Variants in RASGRF1 observed in about 807,000 individuals in gnomAD.
RASGRF1 encodes ras-specific guanine nucleotide-releasing factor 1.
Under a neutral mutation model 138.7 loss-of-function variants are expected in RASGRF1, and 40 were observed. The ratio of observed to expected loss-of-function variants is 0.29; its 90% CI spans 0.22 to 0.38. The LOEUF is 0.38. RASGRF1 is among the 10% of genes least tolerant of loss of function. The pLI is 1.00. For synonymous variants in RASGRF1, 614 were observed against 663.2 expected, an observed-to-expected ratio of 0.93 and a Z score of 1.14; for missense variants, 1,108 against 1,650.4, an observed-to-expected ratio of 0.67 and a Z score of 5.69.
At chr15:78,995,972 C>T (rs778960600) in intron 19 of RASGRF1, among the ~76,000 whole-genome samples, 172 bp from the exon 20 acceptor site, 27 of 152,220 alleles carry the variant, frequency 1.8e-4, no homozygotes, top group Non-Finnish European at 3.5e-4. Context: ...ATGGTCCTGG[C>T]GCTCCTGGCT....
Position 79,006,155 on chromosome 15 carries a change from G to A in RASGRF1, c.2075+31C>T, listed in dbSNP as rs374150186. 3.7e-6 allele frequency: 6 copies of A among 1,613,000 alleles called. No homozygotes were observed. Among genetic ancestry groups the A allele is most frequent in the Non-Finnish European group, 1.7e-6 (2 of 1,179,236 alleles). Reference sequence around the variant, plus strand: ...TTCCTCCAAGGCTTGGAAGCTCTCCGGGCATGGGAGGAGGAGGGCACCTCA... The same window carrying A: ...TTCCTCCAAGGCTTGGAAGCTCTCCAGGCATGGGAGGAGGAGGGCACCTCA... On this transcript the variant is annotated intron_variant, in intron 14 of 26. Transcript: ENST00000558480. This position sits in a 1 kb window ranked among gnomAD's most constrained non-coding sequence, Gnocchi z 4.0.
chr15:79,089,483 TGCG>T (rs368258177), intron 1 of RASGRF1, among the ~76,000 whole-genome samples: 3 of 152,108 alleles, frequency 2.0e-5, no homozygotes, highest in African/African-American at 4.8e-5. Flanking sequence ...TAGCCGCGAC[TGCG>T]GCGGCGGCGG....
intron 3 of RASGRF1, among the ~76,000 whole-genome samples, chr15:79,057,515 G>A (rs544661411): frequency 2.0e-4 from 30 of 152,344 alleles, no homozygotes; most frequent in African/African-American, 6.3e-4. Context: ...CAAAATCTGT[G>A]GTCCTTGTAT....
intron 13 of RASGRF1, among the ~76,000 whole-genome samples, chr15:79,010,028 G>GTTTTTT (rs1378014746): frequency 7.0e-5 from 10 of 143,322 alleles, no homozygotes; most frequent in Non-Finnish European, 1.4e-4. Context: ...CAGCCTCTTT[G>GTTTTTT]TTTGTTTTTT....
At chr15:79,064,151 A>G (rs2057644737) in intron 2 of RASGRF1, among the ~76,000 whole-genome samples, 1 of 152,146 alleles carries the variant, frequency 6.6e-6, no homozygotes, top group Non-Finnish European at 1.5e-5. Context: ...AAACCAAATC[A>G]TACTTGGTTC....
chr15:79,015,311 G>T lies in RASGRF1; in HGVS notation c.1826+16C>A, dbSNP rs750789936. ...CTGGAATGCTGCCTGGTCAAGATGG[G>T]GTTAAGGGCACTTACTTGATCATCT... On this transcript the variant is annotated intron_variant, in intron 13 of 26. Coordinates refer to ENST00000558480, the MANE Select transcript of RASGRF1 (RefSeq NM_001145648.3). The T allele has an allele frequency of 1.9e-6, 3 of 1,604,948 alleles. No individual in the cohort carries two copies. The Admixed American group carries it at 5.0e-5, about 27-fold the overall frequency.
intron 5 of RASGRF1, among the ~76,000 whole-genome samples, chr15:79,045,520 C>G (rs2057344929): frequency 6.6e-6 from 1 of 152,202 alleles, no homozygotes; most frequent in East Asian, 1.9e-4. Context: ...GTGATTTGGT[C>G]TCGAAAGGTC....
intron 1 of RASGRF1, among the ~76,000 whole-genome samples, chr15:79,081,538 G>A (rs1479572598): frequency 6.6e-6 from 1 of 152,198 alleles, no homozygotes; most frequent in Admixed American, 6.5e-5. Context: ...ATAGCACACA[G>A]GCTTTTAGGG....
intron 13 of RASGRF1, chr15:79,012,655 T>G (rs2056818516): frequency 1.4e-6 from 2 of 1,379,890 alleles, no homozygotes; most frequent in Admixed American, 4.4e-5. Context: ...CTTTCATAGG[T>G]GATTTTAATT....
In RASGRF1 at chr15:79,058,404, TTC is replaced by T; in HGVS notation, c.459_460del (p.Lys154AspfsTer32). 1 of 1,614,200 alleles carries T rather than the reference TTC, an allele frequency of 6.2e-7. No individual in the cohort carries two copies. The highest frequency in any genetic ancestry group is 1.7e-5 in the Admixed American group (1 of 60,014). Reference sequence around the variant, plus strand: ...CTGCCGAAGCTGCTTGGCCACGGTCTTCTCTGTCTCCACGATCTGCAGCAGGT... The same window carrying T: ...CTGCCGAAGCTGCTTGGCCACGGTCTTCTGTCTCCACGATCTGCAGCAGGT... On this transcript the variant is annotated frameshift_variant, in exon 3 of 27. Coordinates refer to ENST00000558480, the MANE Select transcript of RASGRF1 (RefSeq NM_001145648.3). LOFTEE classifies it high-confidence loss of function.
In RASGRF1 at chr15:79,003,945, A is replaced by G. The variant is rs1156378808; in HGVS notation, c.2306T>C (p.Met769Thr). 4 of 1,614,036 alleles carry G rather than the reference A, an allele frequency of 2.5e-6. No individual in the cohort carries two copies. Among genetic ancestry groups the G allele is most frequent in the Non-Finnish European group, 3.4e-6 (4 of 1,180,022 alleles). ...GCTGAAGGGTGACATGGCCGAGTACATGCTGGTGTAGCCATTGGAGTTGCA... is the reference window on the plus strand; with the variant it reads ...GCTGAAGGGTGACATGGCCGAGTACGTGCTGGTGTAGCCATTGGAGTTGCA... ...LSCNSNGYTSMYSAMSPFSKA... is the reference protein window; with the variant it reads ...LSCNSNGYTSTYSAMSPFSKA... The change falls in exon 15 of 27, where the codon ATG becomes ACG. Residue 769 changes from methionine to threonine, a missense_variant. Met to Thr is a moderately conservative substitution (Grantham distance 81, BLOSUM62 -1). This residue lies in a region of RASGRF1 where 686 missense variants were observed against 976.7 expected (regional missense o/e 0.70). Transcript: ENST00000558480.
chr15:78,965,510 G>T (rs1244714084), intron 26 of RASGRF1, among the ~76,000 whole-genome samples: 1 of 152,176 alleles, frequency 6.6e-6, no homozygotes, highest in Non-Finnish European at 1.5e-5. Flanking sequence ...TACAAAGGTT[G>T]TCATATTTAA....
chr15:78,991,648 C>T, intron 21 of RASGRF1, 43 bp downstream of exon 21: 1 of 1,505,216 alleles, frequency 6.6e-7, no homozygotes, highest in East Asian at 2.3e-5. Flanking sequence ...CAAGACAGTG[C>T]CTGAGGAAGC....
chr15:79,047,982 G>A (rs1056844883), intron 4 of RASGRF1, among the ~76,000 whole-genome samples: 2 of 149,564 alleles, frequency 1.3e-5, no homozygotes, highest in South Asian at 2.1e-4. Flanking sequence ...AGCTATCTCT[G>A]AAGATAGGAA....
intron 24 of RASGRF1, among the ~76,000 whole-genome samples, chr15:78,977,394 G>A (rs918712586): frequency 2.0e-4 from 31 of 152,152 alleles, no homozygotes; most frequent in Admixed American, 8.5e-4. Context: ...GTTCTGGCAC[G>A]AGGTACAGGG....
intron 1 of RASGRF1, among the ~76,000 whole-genome samples, chr15:79,083,148 T>C (rs553697573): frequency 1.3e-5 from 2 of 152,252 alleles, no homozygotes; most frequent in Non-Finnish European, 2.9e-5. Flanking sequence ...TGCCTCACTA[T>C]CAGGGACAAA....
chr15:79,056,154 C>T (rs2057508364), intron 3 of RASGRF1, among the ~76,000 whole-genome samples: 1 of 152,172 alleles, frequency 6.6e-6, no homozygotes, highest in African/African-American at 2.4e-5. Context: ...AACAGAAGCA[C>T]CAGCATGTGC....
intron 5 of RASGRF1, among the ~76,000 whole-genome samples, chr15:79,044,062 T>C (rs1172674585): frequency 6.6e-6 from 1 of 152,226 alleles, no homozygotes; most frequent in African/African-American, 2.4e-5. Flanking sequence ...CAGTCATGCC[T>C]GCTCAGGCCC....
chr15:79,049,205 C>G (rs2057395843), intron 4 of RASGRF1, among the ~76,000 whole-genome samples: 1 of 152,044 alleles, frequency 6.6e-6, no homozygotes, highest in African/African-American at 2.4e-5. Context: ...GCTGAGAGTC[C>G]CAGGCCTGGG....
Sources: gnomAD v4.1 joint callset for allele counts (sites outside exome capture counted in the v4.1 genomes callset) on GRCh38, gnomAD v4.1.1 for gene constraint, gnomAD v4.1.1 regional missense constraint, Gnocchi (gnomAD v3.1) non-coding constraint, MANE v1.5 for transcripts, NCBI Gene and HGNC (gene_info 2026-07-23, HGNC 2026-07-21) for gene names.